The following IFT80 variants were observed in gnomAD, a reference collection of about 807,000 sequenced individuals.
IFT80 encodes intraflagellar transport 80.
IFT80 carries 79 observed loss-of-function variants against 107.9 expected under a neutral mutation model. The ratio of observed to expected loss-of-function variants is 0.73; its 90% CI spans 0.61 to 0.88. The LOEUF (loss-of-function observed/expected upper bound fraction) is 0.88, where lower values mean the gene tolerates loss of function less well. IFT80 is among the 40% of genes least tolerant of loss of function. The pLI, the probability that IFT80 is intolerant of heterozygous loss-of-function variation, is 0.00. For synonymous variants in IFT80, 299 were observed against 300.9 expected, an observed-to-expected ratio of 0.99 and a Z score of 0.07; for missense variants, 797 against 914.2, an observed-to-expected ratio of 0.87 and a Z score of 1.65.
chr3:160,333,338 TA>T (rs915911105), intron 8 of IFT80, among the ~76,000 whole-genome samples: 2 of 152,168 alleles, frequency 1.3e-5, no homozygotes, highest in Admixed American at 6.5e-5. Context: ...CTAAAGTTAT[TA>T]AAAAAATTTT....
intron 12 of IFT80, among the ~76,000 whole-genome samples, chr3:160,290,728 T>A (rs1369991173): frequency 6.6e-6 from 1 of 151,994 alleles, no homozygotes; most frequent in Non-Finnish European, 1.5e-5. Flanking sequence ...TGCCAGCTAA[T>A]TTTTTTGTAT....
At chr3:160,376,085 T>C (rs1402317498) in intron 4 of IFT80, among the ~76,000 whole-genome samples, 3 of 152,218 alleles carry the variant, frequency 2.0e-5, no homozygotes, top group African/African-American at 7.2e-5. Context: ...TAATAGAAAT[T>C]ACGTTGAAAC....
intron 6 of IFT80, among the ~76,000 whole-genome samples, chr3:160,364,572 A>G (rs1721730447): frequency 6.6e-6 from 1 of 152,206 alleles, no homozygotes; most frequent in Non-Finnish European, 1.5e-5. Flanking sequence ...TGGTGGCACT[A>G]TTCACAATAG....
chr3:160,263,450 T>C (rs1348596749), intron 19 of IFT80, among the ~76,000 whole-genome samples: 1 of 152,178 alleles, frequency 6.6e-6, no homozygotes, highest in African/African-American at 2.4e-5. Flanking sequence ...TATTCTCTTA[T>C]CCTGGTATTA....
At chr3:160,280,927 T>G (rs914519232) in intron 14 of IFT80, 113 bp from the exon 15 acceptor site, 1 of 889,398 alleles carries the variant, frequency 1.1e-6, no homozygotes, top group Non-Finnish European at 1.8e-6. Flanking sequence ...TAGATATGAC[T>G]CTACTTTCTG....
intron 12 of IFT80, among the ~76,000 whole-genome samples, chr3:160,296,194 T>A (rs1715969118): frequency 6.6e-6 from 1 of 152,072 alleles, no homozygotes. Flanking sequence ...TAAAAATAAA[T>A]TTCAATCCTA....
At chr3:160,346,466 T>C (rs1720301511) in intron 8 of IFT80, among the ~76,000 whole-genome samples, 1 of 152,218 alleles carries the variant, frequency 6.6e-6, no homozygotes, top group South Asian at 2.1e-4. Flanking sequence ...GGATGGTTTC[T>C]ATTAATTTCT....
At chr3:160,324,534 G>A (rs1168440377) in intron 8 of IFT80, among the ~76,000 whole-genome samples, 3 of 151,888 alleles carry the variant, frequency 2.0e-5, no homozygotes, top group South Asian at 2.1e-4. Flanking sequence ...AAAACAACAT[G>A]ATTATCTCAA....
chr3:160,296,645 C>T (rs1035223140), intron 12 of IFT80, among the ~76,000 whole-genome samples: 3 of 151,756 alleles, frequency 2.0e-5, no homozygotes, highest in Admixed American at 6.6e-5. Context: ...ACAGTTATTC[C>T]AGTTTTTACA....
At chr3:160,366,204 C>A in intron 5 of IFT80, 52 bp from the exon 6 acceptor site, 1 of 1,285,798 alleles carries the variant, frequency 7.8e-7, no homozygotes, top group South Asian at 1.2e-5. Context: ...AATTATTATG[C>A]CTTATAAAAA....
intron 12 of IFT80, 100 bp downstream of exon 12, chr3:160,300,783 T>G (rs1358496187): frequency 3.4e-6 from 3 of 886,540 alleles, no homozygotes; most frequent in Non-Finnish European, 5.2e-6. Flanking sequence ...TCTATAAAGC[T>G]GATGTACTGG....
intron 12 of IFT80, among the ~76,000 whole-genome samples, chr3:160,291,923 G>A (rs1416416251): frequency 1.3e-5 from 2 of 152,214 alleles, no homozygotes; most frequent in Non-Finnish European, 2.9e-5. Flanking sequence ...AGTGGACACT[G>A]GGGGCTGCAG....
chr3:160,356,263 A>G (rs1338750879), intron 7 of IFT80, 113 bp from the exon 8 acceptor site: 2 of 900,932 alleles, frequency 2.2e-6, no homozygotes, highest in Admixed American at 2.7e-5. Flanking sequence ...CCACATAAAA[A>G]CAAGTTTGTC....
chr3:160,358,583 T>G (rs1721272526), intron 6 of IFT80, among the ~76,000 whole-genome samples: 1 of 151,100 alleles, frequency 6.6e-6, no homozygotes, highest in Non-Finnish European at 1.5e-5. Context: ...CCCATTGATA[T>G]GAAAATCGTT....
At chr3:160,355,799 A>G (rs1188794345) in intron 8 of IFT80, among the ~76,000 whole-genome samples, 1 of 152,242 alleles carries the variant, frequency 6.6e-6, no homozygotes, top group Non-Finnish European at 1.5e-5. Context: ...TTCCAGAAAG[A>G]CAAATAGTAG....
intron 16 of IFT80, 42 bp downstream of exon 16, chr3:160,279,151 T>C: frequency 6.5e-7 from 1 of 1,530,912 alleles, no homozygotes; most frequent in African/African-American, 1.4e-5. Flanking sequence ...GGTAAACTAC[T>C]ATGAAATATA....
At chr3:160,384,825 C>T (rs766279108) in intron 1 of IFT80, among the ~76,000 whole-genome samples, 179 bp from the exon 2 acceptor site, 10 of 152,168 alleles carry the variant, frequency 6.6e-5, no homozygotes, top group Non-Finnish European at 7.3e-5. Flanking sequence ...CAAGGGATGA[C>T]GGAGAGCTTT....
intron 9 of IFT80, among the ~76,000 whole-genome samples, chr3:160,315,893 A>C (rs1324045566): frequency 1.3e-5 from 2 of 152,174 alleles, no homozygotes; most frequent in East Asian, 3.8e-4. Flanking sequence ...ATGATAAAGT[A>C]GTATATTTCT....
chr3:160,285,752 G>T (rs1437557017), intron 13 of IFT80, 52 bp downstream of exon 13: 8 of 1,141,208 alleles, frequency 7.0e-6, no homozygotes, highest in Non-Finnish European at 1.0e-5. Flanking sequence ...ATTTTGAAAA[G>T]GAAATAAATA....
Sources: allele counts gnomAD v4.1 joint callset (sites outside exome capture counted in the v4.1 genomes callset), GRCh38; gene constraint gnomAD v4.1.1; transcripts MANE v1.5; gene names NCBI Gene and HGNC (gene_info 2026-07-23, HGNC 2026-07-21).